The following UBE3D variants were observed in gnomAD, a reference collection of about 807,000 sequenced individuals.
UBE3D encodes ubiquitin protein ligase E3D.
Under a neutral mutation model 49.6 loss-of-function variants are expected in UBE3D, and 48 were observed. The observed-to-expected ratio is 0.97, with a 90% CI of 0.77 to 1.23. The LOEUF is 1.23. Ranked by LOEUF, UBE3D falls within the 50% of genes most tolerant of loss-of-function variation. The pLI, the probability that UBE3D is intolerant of heterozygous loss-of-function variation, is 0.00. For synonymous variants in UBE3D, 189 were observed against 174.2 expected (o/e 1.08, Z -0.67); for missense variants, 452 against 468.4 (o/e 0.96, Z 0.32).
At chr6:83,027,457 A>AAAAAAAAAAAAAAAAAAAAAAC (rs1781558438) in intron 5 of UBE3D, among the ~76,000 whole-genome samples, 3 of 148,328 alleles carry the variant, frequency 2.0e-5, no homozygotes, top group Non-Finnish European at 4.5e-5. Flanking sequence ...AAAAAAAAAA[A>AAAAAAAAAAAAAAAAAAAAAAC]AAAAGAAACC....
chr6:83,058,907 TG>T (rs551871810), intron 1 of UBE3D, among the ~76,000 whole-genome samples: 303 of 152,322 alleles, frequency 2.0e-3, no homozygotes, highest in Non-Finnish European at 3.9e-3. Context: ...GTTTCAAACC[TG>T]AGTCAAAAGT....
intron 8 of UBE3D, among the ~76,000 whole-genome samples, chr6:82,977,175 C>T (rs1777792401): frequency 7.0e-6 from 1 of 143,066 alleles, no homozygotes; most frequent in African/African-American, 2.6e-5. Context: ...TAAAAATAAT[C>T]CAAAAATGCT....
intron 9 of UBE3D, among the ~76,000 whole-genome samples, chr6:82,921,387 T>A (rs1773325241): frequency 6.6e-6 from 1 of 152,176 alleles, no homozygotes; most frequent in East Asian, 1.9e-4. Context: ...CTTCTGCCCA[T>A]CCTGGAAGGT....
intron 8 of UBE3D, among the ~76,000 whole-genome samples, chr6:82,989,504 A>G (rs1778741764): frequency 6.6e-6 from 1 of 152,180 alleles, no homozygotes. Context: ...AGGGCCAGAT[A>G]GTAAATATTT....
At chr6:82,989,572 A>G (rs1778745775) in intron 8 of UBE3D, among the ~76,000 whole-genome samples, 1 of 152,144 alleles carries the variant, frequency 6.6e-6, no homozygotes, top group African/African-American at 2.4e-5. Context: ...ACCATGGCAA[A>G]TGCAGACACA....
At chr6:83,045,457 TC>T (rs1290559534) in intron 3 of UBE3D, among the ~76,000 whole-genome samples, 1 of 152,220 alleles carries the variant, frequency 6.6e-6, no homozygotes, top group African/African-American at 2.4e-5. Context: ...GTGACTATTT[TC>T]CAGGGTGGTA....
chr6:83,063,127 A>G, intron 1 of UBE3D: 1 of 251,114 alleles, frequency 4.0e-6, no homozygotes, highest in South Asian at 3.6e-5. Flanking sequence ...TATCAAAAAA[A>G]CGAGGCAGGG....
intron 1 of UBE3D, among the ~76,000 whole-genome samples, chr6:83,060,294 A>T (rs1441125792): frequency 6.6e-6 from 1 of 152,202 alleles, no homozygotes; most frequent in Non-Finnish European, 1.5e-5. Context: ...CAAAATAAAT[A>T]AATGCCACTA....
chr6:82,957,845 C>T (rs1776274701), intron 8 of UBE3D, among the ~76,000 whole-genome samples: 1 of 152,168 alleles, frequency 6.6e-6, no homozygotes, highest in Non-Finnish European at 1.5e-5. Context: ...ATTGTTATCC[C>T]CATTCTACAG....
At chr6:82,928,750 T>C (rs1461417466) in intron 9 of UBE3D, among the ~76,000 whole-genome samples, 5 of 152,194 alleles carry the variant, frequency 3.3e-5, no homozygotes, top group Non-Finnish European at 7.4e-5. Flanking sequence ...TCTGACAAAA[T>C]GCTGGATAAA....
chr6:82,939,785 T>C (rs1010603301), intron 9 of UBE3D, among the ~76,000 whole-genome samples: 1 of 152,198 alleles, frequency 6.6e-6, no homozygotes, highest in African/African-American at 2.4e-5. Flanking sequence ...TCTCTATCAT[T>C]AAGTGATACA....
intron 8 of UBE3D, among the ~76,000 whole-genome samples, chr6:83,009,314 C>T (rs535931093): frequency 1.3e-5 from 2 of 151,986 alleles, no homozygotes; most frequent in South Asian, 2.1e-4. Flanking sequence ...ATAATGATTA[C>T]CAAATATTAC....
At chr6:82,979,742 AC>A (rs1325132717) in intron 8 of UBE3D, among the ~76,000 whole-genome samples, 2 of 151,766 alleles carry the variant, frequency 1.3e-5, no homozygotes, top group East Asian at 1.9e-4. Context: ...ATTTCTCATT[AC>A]CCCCCTCACA....
intron 8 of UBE3D, among the ~76,000 whole-genome samples, chr6:82,996,960 C>A (rs1404882860): frequency 6.6e-6 from 1 of 152,020 alleles, no homozygotes; most frequent in African/African-American, 2.4e-5. Context: ...TAGCAGTGCA[C>A]CAATGTTGGT....
chr6:82,935,969 GA>G (rs1386095176), intron 9 of UBE3D, among the ~76,000 whole-genome samples: 1 of 151,988 alleles, frequency 6.6e-6, no homozygotes, highest in African/African-American at 2.4e-5. Context: ...TAATGAACAT[GA>G]AAATATTTAA....
intron 9 of UBE3D, among the ~76,000 whole-genome samples, chr6:82,945,822 C>G (rs780026447): frequency 6.6e-5 from 10 of 151,976 alleles, no homozygotes; most frequent in Non-Finnish European, 1.3e-4. Flanking sequence ...ATAGATTGAA[C>G]TAATTAAAAA....
the UBE3D span, among the ~76,000 whole-genome samples, chr6:82,885,958 T>C: frequency 2.6e-5 from 4 of 152,144 alleles, no homozygotes; most frequent in Non-Finnish European, 5.9e-5. Flanking sequence ...TCTCTGTCCA[T>C]TGGGAGGGCC....
At chr6:82,937,673 T>G (rs1489100647) in intron 9 of UBE3D, among the ~76,000 whole-genome samples, 1 of 152,048 alleles carries the variant, frequency 6.6e-6, no homozygotes, top group African/African-American at 2.4e-5. Flanking sequence ...TGTTTCAATG[T>G]GCACCAAGAA....
intron 8 of UBE3D, among the ~76,000 whole-genome samples, chr6:83,011,403 T>C (rs1042656832): frequency 2.0e-5 from 3 of 152,212 alleles, no homozygotes; most frequent in Non-Finnish European, 2.9e-5. Context: ...TTGTGGTTTT[T>C]TTCCTGGTAG....
Sources: allele counts gnomAD v4.1 joint callset (sites outside exome capture counted in the v4.1 genomes callset), GRCh38; gene constraint gnomAD v4.1.1; transcripts MANE v1.5; gene names NCBI Gene and HGNC (gene_info 2026-07-23, HGNC 2026-07-21).